Variants in MMP26 observed in about 807,000 individuals in gnomAD.
The protein encoded by MMP26 is matrix metallopeptidase 26, also known as matrix metalloproteinase-26.
In MMP26, 33 loss-of-function variants were observed where a neutral mutation model predicts 31.0. The observed-to-expected ratio is 1.06, with a 90% CI of 0.81 to 1.42. The LOEUF is 1.42. Ranked by LOEUF, MMP26 falls within the 40% of genes most tolerant of loss-of-function variation. MMP26 has a pLI of 0.00. For missense variants in MMP26, 347 were observed against 316.1 expected (o/e 1.10, Z -0.74); for synonymous variants, 122 against 114.9 (o/e 1.06, Z -0.40).
intron 2 of MMP26, among the ~76,000 whole-genome samples, chr11:4,888,062 A>T (rs1850567828): frequency 6.6e-6 from 1 of 152,146 alleles, no homozygotes; most frequent in South Asian, 2.1e-4. Context: ...ATGTAAGACT[A>T]GTTGAACCTT....
intron 2 of MMP26, chr11:4,833,092 C>A (rs1849668837): frequency 6.6e-6 from 1 of 152,116 alleles, no homozygotes; most frequent in Non-Finnish European, 1.5e-5. Context: ...GGTGGAAATT[C>A]TATTTTTTTC....
At position 4,924,442 on chromosome 11, in the gene MMP26, T is replaced by G. The variant is rs1851240082; in HGVS notation, c.-144-63626T>G. 5 of 1,215,740 alleles carry G rather than the reference T, an allele frequency of 4.1e-6. No homozygotes were observed. The African/African-American group carries it at 4.6e-5, about 11-fold the overall frequency. The allele number at this position is 1,215,740 out of a possible 1,614,324, so 75.3% of individuals were successfully genotyped here. On this transcript the variant is annotated intron_variant, in intron 2 of 7. Coordinates refer to ENST00000380390, the MANE Select transcript of MMP26 (RefSeq NM_021801.5). ...ACCTAAATGTCCCAAGATCAGCCAG[T>G]AAGGAAGCATCTGCAGATGGCATAG...
chr11:4,796,078 G>C (rs556300759), intron 2 of MMP26, among the ~76,000 whole-genome samples: 1 of 152,226 alleles, frequency 6.6e-6, no homozygotes, highest in South Asian at 2.1e-4. Context: ...CTTAGTTAAA[G>C]CACAGGTGGG....
At chr11:4,717,604 A>G (rs1339969863) in intron 1 of MMP26, among the ~76,000 whole-genome samples, 1 of 152,094 alleles carries the variant, frequency 6.6e-6, no homozygotes, top group Non-Finnish European at 1.5e-5. Context: ...ATTTTGGAAA[A>G]CAATGTGTGT....
At chr11:4,830,927 A>C (rs1302024770) in intron 2 of MMP26, among the ~76,000 whole-genome samples, 4 of 152,168 alleles carry the variant, frequency 2.6e-5, no homozygotes, top group Non-Finnish European at 5.9e-5. Flanking sequence ...TAGCAATTGC[A>C]CTGTAAGGTG....
chr11:4,750,213 G>A (rs1848430952), intron 1 of MMP26, among the ~76,000 whole-genome samples: 1 of 151,904 alleles, frequency 6.6e-6, no homozygotes, highest in South Asian at 2.1e-4. Context: ...GAGAAGTGCA[G>A]ATTAAAACCA....
chr11:4,889,745 C>G (rs1481939251), intron 2 of MMP26: 1 of 154,052 alleles, frequency 6.5e-6, no homozygotes, highest in Non-Finnish European at 1.5e-5. Context: ...TTCATGGATG[C>G]CAAAGCAGTG....
chr11:4,821,830 A>G (rs769197787), intron 2 of MMP26: 37 of 1,613,306 alleles, frequency 2.3e-5, no homozygotes, highest in Middle Eastern at 1.7e-4. Flanking sequence ...ATACACTACC[A>G]TCCTTACCAA....
intron 1 of MMP26, among the ~76,000 whole-genome samples, chr11:4,717,318 T>C (rs1847947852): frequency 6.6e-6 from 1 of 152,206 alleles, no homozygotes; most frequent in African/African-American, 2.4e-5. Context: ...CACTCAGTAA[T>C]GTTTGATGTT....
chr11:4,940,176 C>T (rs1480709338), intron 2 of MMP26, among the ~76,000 whole-genome samples: 1 of 151,928 alleles, frequency 6.6e-6, no homozygotes, highest in African/African-American at 2.4e-5. Context: ...CCATTTTATA[C>T]ATAAAACAAC....
chr11:4,860,366 T>G, intron 2 of MMP26: 1 of 471,102 alleles, frequency 2.1e-6, no homozygotes, highest in Non-Finnish European at 4.4e-6. Flanking sequence ...AGAGCCAAGA[T>G]AGAAAGGAAG....
chr11:4,880,166 C>CCCGTTG (rs1850438706), intron 2 of MMP26, among the ~76,000 whole-genome samples: 1 of 151,994 alleles, frequency 6.6e-6, no homozygotes, highest in African/African-American at 2.4e-5. Context: ...AAGAATGCTC[C>CCCGTTG]CCATTGCCTG....
chr11:4,891,049 C>T (rs951630930), intron 2 of MMP26, among the ~76,000 whole-genome samples: 7 of 149,910 alleles, frequency 4.7e-5, no homozygotes, highest in Non-Finnish European at 4.4e-5. Context: ...TGGGAAACCC[C>T]AGGAAGTGGA....
intron 2 of MMP26, chr11:4,914,543 T>A: frequency 1.9e-6 from 1 of 537,108 alleles, no homozygotes. Flanking sequence ...TATTACATTT[T>A]ACCCCCCCCT....
intron 1 of MMP26, among the ~76,000 whole-genome samples, chr11:4,761,650 C>T (rs1260397319): frequency 6.6e-6 from 1 of 152,134 alleles, no homozygotes; most frequent in African/African-American, 2.4e-5. Context: ...GAAATTGAAT[C>T]ATTTCTTTAG....
chr11:4,932,299 T>G (rs1287976580), intron 2 of MMP26, among the ~76,000 whole-genome samples: 2 of 152,154 alleles, frequency 1.3e-5, no homozygotes, highest in Non-Finnish European at 2.9e-5. Flanking sequence ...GGAACGTATT[T>G]CTCTTCCTTT....
intron 2 of MMP26, chr11:4,882,689 C>T: frequency 6.2e-7 from 1 of 1,613,978 alleles, no homozygotes; most frequent in Non-Finnish European, 8.5e-7. Flanking sequence ...CTCTTTGGCA[C>T]ACCGCCTCTT....
chr11:4,804,501 T>C (rs755781586), intron 2 of MMP26: 1 of 808,452 alleles, frequency 1.2e-6, no homozygotes, highest in South Asian at 1.3e-5. Context: ...ACCAGGGTGA[T>C]TGGGTTTGAT....
chr11:4,965,465 G>A (rs1365098147), intron 2 of MMP26, among the ~76,000 whole-genome samples: 1 of 152,186 alleles, frequency 6.6e-6, no homozygotes, highest in African/African-American at 2.4e-5. Context: ...TTTTAAGAAG[G>A]TTAAGGAGGC....
Sources: gnomAD v4.1 joint callset for allele counts (sites outside exome capture counted in the v4.1 genomes callset) on GRCh38, gnomAD v4.1.1 for gene constraint, MANE v1.5 for transcripts, NCBI Gene and HGNC (gene_info 2026-07-23, HGNC 2026-07-21) for gene names.